Variants in MIPOL1 observed in about 807,000 individuals in gnomAD.
MIPOL1 encodes mirror-image polydactyly 1.
In MIPOL1, 57 loss-of-function variants were observed where a neutral mutation model predicts 60.9. The ratio of observed to expected loss-of-function variants is 0.94; its 90% CI spans 0.76 to 1.17. MIPOL1 has a LOEUF of 1.17. MIPOL1 is among the 50% of genes most tolerant of loss of function. The probability of loss-of-function intolerance (pLI) is 0.00; values close to 1 mark genes in which losing one functional copy is unlikely to be tolerated. For missense variants in MIPOL1, 551 were observed against 511.6 expected, an observed-to-expected ratio of 1.08 and a Z score of -0.74; for synonymous variants, 179 against 168.8, an observed-to-expected ratio of 1.06 and a Z score of -0.47.
intron 11 of MIPOL1, among the ~76,000 whole-genome samples, chr14:37,495,309 T>A (rs1376428917): frequency 8.3e-6 from 1 of 120,660 alleles, no homozygotes; most frequent in Non-Finnish European, 1.6e-5. Context: ...GTCCCCAGAG[T>A]GTGATGTTCC....
intron 10 of MIPOL1, among the ~76,000 whole-genome samples, chr14:37,413,167 G>A (rs1011119738): frequency 6.6e-5 from 10 of 151,946 alleles, no homozygotes; most frequent in East Asian, 1.9e-4. Flanking sequence ...GTATAAAAGC[G>A]TGCATATGTG....
chr14:37,523,981 T>C (rs1282068770), intron 12 of MIPOL1, among the ~76,000 whole-genome samples: 2 of 152,112 alleles, frequency 1.3e-5, no homozygotes, highest in African/African-American at 4.8e-5. Context: ...TTGGAGAAAC[T>C]GAAGGAAGAT....
chr14:37,244,654 A>G (rs1269952877), intron 1 of MIPOL1, among the ~76,000 whole-genome samples: 1 of 151,482 alleles, frequency 6.6e-6, no homozygotes, highest in Non-Finnish European at 1.5e-5. Flanking sequence ...GTAATAACGT[A>G]ATCTTTATAT....
At chr14:37,219,560 G>T (rs1306326072) in intron 1 of MIPOL1, 1 of 152,140 alleles carries the variant, frequency 6.6e-6, no homozygotes, top group Non-Finnish European at 1.5e-5. Flanking sequence ...TAGGAACGAG[G>T]TCTCACTATA....
intron 11 of MIPOL1, among the ~76,000 whole-genome samples, chr14:37,474,417 G>A (rs369576309): frequency 3.9e-5 from 6 of 152,012 alleles, no homozygotes; most frequent in African/African-American, 1.4e-4. Flanking sequence ...TCATGGGAGC[G>A]GATTTTTACC....
At chr14:37,402,311 T>A (rs1033704025) in intron 10 of MIPOL1, among the ~76,000 whole-genome samples, 2 of 152,074 alleles carry the variant, frequency 1.3e-5, no homozygotes, top group African/African-American at 2.4e-5. Context: ...AAGGAAAAAA[T>A]TTGCCACCTT....
chr14:37,535,092 TAAAAC>T, intron 12 of MIPOL1, among the ~76,000 whole-genome samples: 1 of 152,258 alleles, frequency 6.6e-6, no homozygotes, highest in Middle Eastern at 3.4e-3. Flanking sequence ...TAAAAGTAAA[TAAAAC>T]AAAGTTTCAC....
intron 11 of MIPOL1, among the ~76,000 whole-genome samples, chr14:37,470,587 C>T (rs1432705945): frequency 6.6e-6 from 1 of 152,138 alleles, no homozygotes; most frequent in Non-Finnish European, 1.5e-5. Context: ...CCCAGCCATG[C>T]TTCCTGCACA....
At chr14:37,314,952 A>T (rs2087716528) in intron 9 of MIPOL1, among the ~76,000 whole-genome samples, 1 of 152,202 alleles carries the variant, frequency 6.6e-6, no homozygotes. Context: ...CTCAGCAATA[A>T]TCCAGATATA....
At chr14:37,342,538 C>T (rs2090645831) in intron 9 of MIPOL1, among the ~76,000 whole-genome samples, 2 of 151,896 alleles carry the variant, frequency 1.3e-5, no homozygotes, top group East Asian at 2.0e-4. Flanking sequence ...GCTGGGATTA[C>T]AGGGATGCAC....
chr14:37,517,894 A>G (rs2095382595), intron 12 of MIPOL1, among the ~76,000 whole-genome samples: 1 of 152,170 alleles, frequency 6.6e-6, no homozygotes, highest in African/African-American at 2.4e-5. Context: ...TGGGAGTGCA[A>G]CTTTTCTGAG....
Position 37,369,590 on chromosome 14 carries a change from T to C in MIPOL1, c.902T>C (p.Leu301Pro), listed in dbSNP as rs1233610256. Residue 301 changes from leucine to proline, a missense_variant, in exon 10 of 13, where the codon CTG becomes CCG. Transcript: ENST00000684589. ...NQTSANNMRH[L>P]TAENNQERAL... The stretch of plus-strand genomic sequence containing the variant: ...ACTTCAGCAAACAACATGAGACATC[T>C]GACTGCTGAAAACAATCAAGAACGT... 5 of 1,613,260 alleles carry C rather than the reference T, an allele frequency of 3.1e-6. No individual in the cohort carries two copies. The highest frequency in any genetic ancestry group is 4.2e-6 in the Non-Finnish European group (5 of 1,179,430).
At chr14:37,331,096 C>A (rs1261299013) in intron 9 of MIPOL1, among the ~76,000 whole-genome samples, 1 of 151,698 alleles carries the variant, frequency 6.6e-6, no homozygotes, top group East Asian at 1.9e-4. Flanking sequence ...CCATATGTAT[C>A]TGTTTTATGC....
At chr14:37,450,265 AC>A (rs1346252007) in intron 11 of MIPOL1, among the ~76,000 whole-genome samples, 2 of 152,040 alleles carry the variant, frequency 1.3e-5, no homozygotes, top group African/African-American at 4.8e-5. Context: ...AGTTTGCTGC[AC>A]AGTTTTCATC....
rs960575226 is a variant in MIPOL1 at position 37,247,254 on chromosome 14, T to C, written c.-61+14T>C. On this transcript the variant is annotated intron_variant, in intron 2 of 12. Coordinates refer to ENST00000684589, the MANE Select transcript of MIPOL1 (RefSeq NM_001388067.1). ...TCTATCTGTGAGGTAAATCTAATTT[T>C]ATTCTCCTTAAAAGCATAAAAAAAA... 1 of 152,400 alleles carries C rather than the reference T, an allele frequency of 6.6e-6. No individual in the cohort carries two copies. The highest frequency in any genetic ancestry group is 1.5e-5 in the Non-Finnish European group (1 of 67,950). 9.4% of individuals were successfully genotyped at this position (152,400 alleles called of 1,614,324 possible).
At chr14:37,397,804 C>T (rs191078647) in intron 10 of MIPOL1, among the ~76,000 whole-genome samples, 7 of 152,198 alleles carry the variant, frequency 4.6e-5, no homozygotes, top group South Asian at 2.1e-4. Context: ...TCTAAAGGGC[C>T]GGTCTCACTC....
At chr14:37,443,967 C>T (rs1393027975) in intron 11 of MIPOL1, among the ~76,000 whole-genome samples, 1 of 152,030 alleles carries the variant, frequency 6.6e-6, no homozygotes, top group Non-Finnish European at 1.5e-5. Context: ...GTTGTTCAGT[C>T]TGACTGATAA....
chr14:37,240,424 C>G (rs759726278), intron 1 of MIPOL1: 1 of 152,156 alleles, frequency 6.6e-6, no homozygotes, highest in Admixed American at 6.5e-5. Flanking sequence ...TACTCTAATA[C>G]ATTTTCAGCT....
At chr14:37,284,154 A>G (rs2153409044) in intron 6 of MIPOL1, among the ~76,000 whole-genome samples, 1 of 152,296 alleles carries the variant, frequency 6.6e-6, no homozygotes, top group African/African-American at 2.4e-5. Flanking sequence ...TGCCATTTGT[A>G]TTAAAATCTA....
Sources: gnomAD v4.1 joint callset for allele counts (sites outside exome capture counted in the v4.1 genomes callset) on GRCh38, gnomAD v4.1.1 for gene constraint, MANE v1.5 for transcripts, NCBI Gene and HGNC (gene_info 2026-07-23, HGNC 2026-07-21) for gene names.